The following OPN5 variants were observed in gnomAD, a reference collection of about 807,000 sequenced individuals.
The protein encoded by OPN5 is opsin-5.
A neutral mutation model predicts 41.7 loss-of-function variants in OPN5; 18 were observed. The ratio of observed to expected loss-of-function variants is 0.43; its 90% CI spans 0.30 to 0.64. OPN5 has a LOEUF of 0.64. OPN5 is among the 30% of genes least tolerant of loss of function. The probability of loss-of-function intolerance (pLI) is 0.13; values close to 1 mark genes in which losing one functional copy is unlikely to be tolerated. For missense variants in OPN5, 318 were observed against 434.5 expected (o/e 0.73, Z 2.38); for synonymous variants, 178 against 164.3 (o/e 1.08, Z -0.64).
At chr6:47,802,366 ATCC>A (rs1166065197) in intron 4 of OPN5, among the ~76,000 whole-genome samples, 1 of 152,068 alleles carries the variant, frequency 6.6e-6, no homozygotes, top group Non-Finnish European at 1.5e-5. Context: ...GTTAACCAGT[ATCC>A]TTTAAATAAA....
intron 4 of OPN5, among the ~76,000 whole-genome samples, chr6:47,807,226 A>G (rs777946579): frequency 6.6e-6 from 1 of 152,154 alleles, no homozygotes; most frequent in Non-Finnish European, 1.5e-5. Flanking sequence ...CACTTAAATA[A>G]TATTCAGCCT....
intron 4 of OPN5, among the ~76,000 whole-genome samples, chr6:47,798,314 A>G (rs1377897514): frequency 6.6e-6 from 1 of 151,930 alleles, no homozygotes; most frequent in Non-Finnish European, 1.5e-5. Context: ...TAGACCAGTC[A>G]GTACTTCTAG....
chr6:47,818,551 G>A (rs1192833987), intron 6 of OPN5, among the ~76,000 whole-genome samples: 1 of 152,188 alleles, frequency 6.6e-6, no homozygotes, highest in African/African-American at 2.4e-5. Flanking sequence ...TTCATCCATA[G>A]GATAATCTCA....
chr6:47,816,598 C>T (rs1291434608), intron 6 of OPN5, among the ~76,000 whole-genome samples: 1 of 152,080 alleles, frequency 6.6e-6, no homozygotes, highest in Non-Finnish European at 1.5e-5. Flanking sequence ...ACATTTTCTT[C>T]CAAACAATAC....
At chr6:47,809,071 A>T (rs1200461053) in intron 5 of OPN5, among the ~76,000 whole-genome samples, 1 of 152,096 alleles carries the variant, frequency 6.6e-6, no homozygotes, top group Non-Finnish European at 1.5e-5. Flanking sequence ...CAGTGAAAAG[A>T]GTTTGGGAAT....
At chr6:47,787,943 T>A (rs1773243130) in intron 2 of OPN5, among the ~76,000 whole-genome samples, 1 of 152,170 alleles carries the variant, frequency 6.6e-6, no homozygotes, top group African/African-American at 2.4e-5. Context: ...GCAAGTGGAT[T>A]TTTCTGCCGA....
At chr6:47,804,120 A>T (rs1190906732) in intron 4 of OPN5, among the ~76,000 whole-genome samples, 1 of 152,200 alleles carries the variant, frequency 6.6e-6, no homozygotes, top group African/African-American at 2.4e-5. Context: ...CTGGCACTGG[A>T]AACTGGCTAT....
downstream of OPN5, chr6:47,825,784 G>A (rs933025124): frequency 4.6e-5 from 7 of 152,128 alleles, no homozygotes; most frequent in African/African-American, 1.7e-4. Flanking sequence ...AGGGAAGAAG[G>A]TTGACATGAG....
At chr6:47,800,344 C>G (rs1443705907) in intron 4 of OPN5, among the ~76,000 whole-genome samples, 1 of 152,112 alleles carries the variant, frequency 6.6e-6, no homozygotes, top group Non-Finnish European at 1.5e-5. Context: ...TTGCTACTGA[C>G]TGGTTGGGTT....
At chr6:47,799,231 CATGATAT>C (rs1478164623) in intron 4 of OPN5, among the ~76,000 whole-genome samples, 11 of 150,196 alleles carry the variant, frequency 7.3e-5, no homozygotes, top group African/African-American at 2.5e-4. Flanking sequence ...CACACACACA[CATGATAT>C]ACATGATATA....
intron 4 of OPN5, among the ~76,000 whole-genome samples, chr6:47,797,152 TG>T (rs547837283): frequency 1.6e-4 from 24 of 152,184 alleles, no homozygotes; most frequent in South Asian, 1.0e-3. Context: ...GAGATCTGGG[TG>T]GGGGGACAGC....
intron 2 of OPN5, among the ~76,000 whole-genome samples, chr6:47,791,539 T>G (rs1489854426): frequency 6.6e-6 from 1 of 152,238 alleles, no homozygotes; most frequent in Non-Finnish European, 1.5e-5. Flanking sequence ...AAAGTAATAA[T>G]TACTTTAAAG....
intron 4 of OPN5, among the ~76,000 whole-genome samples, chr6:47,801,454 A>G (rs992835101): frequency 6.6e-6 from 1 of 152,182 alleles, no homozygotes; most frequent in Non-Finnish European, 1.5e-5. Flanking sequence ...TCCCTTTTAT[A>G]ACTCATCAAA....
chr6:47,826,289 T>C (rs1334442768), downstream of OPN5: 1 of 152,128 alleles, frequency 6.6e-6, no homozygotes, highest in Non-Finnish European at 1.5e-5. Context: ...ATTATGAATA[T>C]CTTATTTGTG....
rs375496580 is a variant in OPN5, at chr6:47,782,162, G to A, written c.96G>A (p.Ala32=). Residue 32 remains alanine, a synonymous_variant, in exon 1 of 7, where the codon GCG becomes GCA. Transcript: ENST00000371211. ...TTGCTTCCAAACTTTCTTGGGAAGC[G>A]GATTTAGTGGCTGGCTTTTACCTAA... 82 of 1,613,396 alleles carry A rather than the reference G, an allele frequency of 5.1e-5. 1 individual carries two copies. Among genetic ancestry groups the A allele is most frequent in the Non-Finnish European group, 6.4e-5 (75 of 1,179,672 alleles).
chr6:47,789,907 T>A (rs1396449007), intron 2 of OPN5, among the ~76,000 whole-genome samples: 1 of 151,996 alleles, frequency 6.6e-6, no homozygotes, highest in Non-Finnish European at 1.5e-5. Flanking sequence ...AATTTTTTTT[T>A]TTTTTTGTGG....
At chr6:47,808,234 G>C (rs1774051518) in exon 5 of OPN5, 7 of 1,613,734 alleles carry the variant, frequency 4.3e-6, no homozygotes, top group African/African-American at 1.3e-5. Flanking sequence ...CTTTTGGAAG[G>C]CCAGACTCCA....
At chr6:47,782,141 T>C in exon 1 of OPN5, 2 of 1,613,776 alleles carry the variant, frequency 1.2e-6, no homozygotes, top group Non-Finnish European at 1.7e-6. Context: ...ATCCTTTTGC[T>C]TCCAAACTTT....
chr6:47,805,914 T>C (rs1274192955), intron 4 of OPN5, among the ~76,000 whole-genome samples: 2 of 152,164 alleles, frequency 1.3e-5, no homozygotes, highest in African/African-American at 4.8e-5. Flanking sequence ...TCAGAGATTA[T>C]AGGAAAGTCC....
Sources: allele counts gnomAD v4.1 joint callset (sites outside exome capture counted in the v4.1 genomes callset), GRCh38; gene constraint gnomAD v4.1.1; transcripts MANE v1.5; gene names NCBI Gene and HGNC (gene_info 2026-07-23, HGNC 2026-07-21).